The following VIP variants were observed in gnomAD, a reference collection of about 807,000 sequenced individuals.
VIP encodes the protein vasoactive intestinal peptide.
In VIP, 18 loss-of-function variants were observed where a neutral mutation model predicts 20.1. The observed-to-expected ratio is 0.90, with a 90% CI of 0.62 to 1.33. VIP has a LOEUF of 1.33. Ranked by LOEUF, VIP falls within the 40% of genes most tolerant of loss-of-function variation. The pLI, the probability that VIP is intolerant of heterozygous loss-of-function variation, is 0.00. For synonymous variants in VIP, 70 were observed against 68.1 expected (o/e 1.03, Z -0.14); for missense variants, 209 against 199.4 (o/e 1.05, Z -0.29).
chr6:152,756,270 A>G lies in VIP; in HGVS notation c.467+5A>G. ...AATTCTGAATGGAAAGAGGAGGTAA[A>G]GAAAAAGAGAACTTGCTAAAATGAG... On this transcript the variant is annotated splice_donor_5th_base_variant and intron_variant, in intron 5 of 6. Coordinates refer to ENST00000367244, the MANE Select transcript of VIP (RefSeq NM_003381.4). 1 of 1,602,354 alleles carries G rather than the reference A, an allele frequency of 6.2e-7. No individual in the cohort carries two copies. The highest frequency in any genetic ancestry group is 8.5e-7 in the Non-Finnish European group (1 of 1,175,560).
At chr6:152,751,696 A>C (rs1194102799) in intron 1 of VIP, among the ~76,000 whole-genome samples, 1 of 152,172 alleles carries the variant, frequency 6.6e-6, no homozygotes, top group Non-Finnish European at 1.5e-5. Context: ...ATGTATATAT[A>C]CACATTATAT....
chr6:152,754,017 G>T, intron 2 of VIP, 149 bp from the exon 3 acceptor site: 1 of 800,070 alleles, frequency 1.2e-6, no homozygotes, highest in Non-Finnish European at 1.9e-6. Flanking sequence ...TTAACTATAT[G>T]AGCCATTAAG....
chr6:152,756,398 AT>A, intron 5 of VIP, 133 bp downstream of exon 5: 1 of 1,047,162 alleles, frequency 9.5e-7, no homozygotes, highest in Non-Finnish European at 1.3e-6. Context: ...CTTGGCTGAC[AT>A]TAGACTACCC....
intron 6 of VIP, among the ~76,000 whole-genome samples, chr6:152,757,613 A>G (rs1434076068): frequency 1.3e-5 from 2 of 151,982 alleles, no homozygotes; most frequent in African/African-American, 2.4e-5. Context: ...GGGAAATAGC[A>G]CCAAATTAGA....
intron 5 of VIP, 129 bp from the exon 6 acceptor site, chr6:152,756,967 G>T: frequency 1.3e-6 from 1 of 759,136 alleles, no homozygotes; most frequent in South Asian, 2.2e-5. Flanking sequence ...AAACCTCAAA[G>T]ATAATTGTTT....
At chr6:152,752,024 T>A (rs2099729726) in intron 1 of VIP, 144 bp from the exon 2 acceptor site, 1 of 574,458 alleles carries the variant, frequency 1.7e-6, no homozygotes, top group Middle Eastern at 2.8e-4. Flanking sequence ...GAATGTATCA[T>A]CTTGCAATTT....
At position 152,756,202 on chromosome 6, in the gene VIP, C is replaced by A; in HGVS notation, c.404C>A (p.Thr135Asn). ...GATGCAGTCTTCACTGACAACTATA[C>A]CCGCCTTAGAAAACAAATGGCTGTA... ...HSDAVFTDNY[T>N]RLRKQMAVKK... is the part of the protein sequence containing the mutation. Residue 135 changes from threonine to asparagine, a missense_variant, in exon 5 of 7, where the codon ACC (threonine) becomes AAC (asparagine). By Grantham distance (65) the Thr-to-Asn change is moderately conservative. Coordinates refer to ENST00000367244, the MANE Select transcript of VIP (RefSeq NM_003381.4). 6 of 1,611,854 alleles carry A rather than the reference C, an allele frequency of 3.7e-6. No homozygotes were observed. Among genetic ancestry groups the A allele is most frequent in the Non-Finnish European group, 4.2e-6 (5 of 1,178,520 alleles).
intron 6 of VIP, among the ~76,000 whole-genome samples, chr6:152,757,629 G>A (rs531496924): frequency 5.9e-5 from 9 of 152,040 alleles, no homozygotes; most frequent in African/African-American, 1.2e-4. Context: ...TTAGAGCATG[G>A]CCCATTACTA....
intron 1 of VIP, among the ~76,000 whole-genome samples, chr6:152,751,463 A>G (rs2099729626): frequency 6.6e-6 from 1 of 152,124 alleles, no homozygotes; most frequent in Non-Finnish European, 1.5e-5. Flanking sequence ...GAAATGTGTA[A>G]GTTGATTAAA....
At chr6:152,751,777 T>C (rs1253409030) in intron 1 of VIP, among the ~76,000 whole-genome samples, 1 of 152,192 alleles carries the variant, frequency 6.6e-6, no homozygotes, top group Non-Finnish European at 1.5e-5. Context: ...ATTAGTCAGA[T>C]ACTGAAATTT....
intron 4 of VIP, 148 bp from the exon 5 acceptor site, chr6:152,755,986 T>G (rs1303473526): frequency 1.5e-5 from 12 of 805,214 alleles, no homozygotes; most frequent in Non-Finnish European, 1.9e-5. Flanking sequence ...ATCCTTAGGT[T>G]TAGTTGTATT....
chr6:152,752,810 C>A (rs982983444), intron 2 of VIP, among the ~76,000 whole-genome samples: 1 of 152,002 alleles, frequency 6.6e-6, no homozygotes, highest in African/African-American at 2.4e-5. Context: ...TTGAGATACA[C>A]TCCCCCAATA....
At chr6:152,754,739 G>T (rs897985125) in intron 3 of VIP, among the ~76,000 whole-genome samples, 5 of 151,838 alleles carry the variant, frequency 3.3e-5, no homozygotes, top group African/African-American at 1.2e-4. Context: ...AGTATAAAAG[G>T]TGCTTCATTT....
chr6:152,754,412 A>C, intron 3 of VIP, 124 bp downstream of exon 3: 1 of 890,762 alleles, frequency 1.1e-6, no homozygotes, highest in Non-Finnish European at 1.7e-6. Flanking sequence ...AGAGGTTTCT[A>C]TGTGTCATGG....
intron 1 of VIP, 83 bp from the exon 2 acceptor site, chr6:152,752,085 T>C (rs912417992): frequency 2.8e-5 from 26 of 939,820 alleles, no homozygotes; most frequent in Non-Finnish European, 3.8e-5. Flanking sequence ...GCAAGAGCCA[T>C]TGAAAATTAC....
chr6:152,752,631 G>GA (rs1485396169), intron 2 of VIP, among the ~76,000 whole-genome samples: 3 of 152,040 alleles, frequency 2.0e-5, no homozygotes, highest in East Asian at 1.9e-4. Context: ...ATTTCTGGTG[G>GA]AAAAAAGCTG....
Position 152,754,186 on chromosome 6 carries a change from T to C in VIP, c.128T>C (p.Phe43Ser). ...ATCAGGTTGGGTGACAGAATACCCT[T>C]TGAGGGAGCAAATGAACCTGATCAA... is the stretch of plus-strand genomic sequence containing the variant. ...SALRLGDRIP[F>S]EGANEPDQVS... The change falls in exon 3 of 7, where the codon TTT (phenylalanine) becomes TCT (serine). Residue 43 changes from phenylalanine (F) to serine (S), a missense_variant. Coordinates refer to ENST00000367244, the MANE Select transcript of VIP (RefSeq NM_003381.4). 1 of 1,611,184 alleles carries C rather than the reference T, an allele frequency of 6.2e-7. No individual in the cohort carries two copies. Among genetic ancestry groups the C allele is most frequent in the Non-Finnish European group, 8.5e-7 (1 of 1,178,470 alleles).
chr6:152,757,244 C>A, intron 6 of VIP, 60 bp downstream of exon 6: 1 of 1,098,742 alleles, frequency 9.1e-7, no homozygotes, highest in East Asian at 2.5e-5. Context: ...ATATAAGTAG[C>A]TAAGAGTCAC....
chr6:152,754,401 T>G, intron 3 of VIP, 113 bp downstream of exon 3: 1 of 996,056 alleles, frequency 1.0e-6, no homozygotes, highest in Admixed American at 2.9e-5. Context: ...AGCAAAACAC[T>G]AGAGGTTTCT....
Sources: gnomAD v4.1 joint callset for allele counts (sites outside exome capture counted in the v4.1 genomes callset) on GRCh38, gnomAD v4.1.1 for gene constraint, MANE v1.5 for transcripts, NCBI Gene and HGNC (gene_info 2026-07-23, HGNC 2026-07-21) for gene names.